RAB27B: variants seen among roughly 807,000 people sequenced by gnomAD.
RAB27B encodes the protein RAB27B, member RAS oncogene family, also known as ras-related protein Rab-27B.
In RAB27B, 15 loss-of-function variants were observed where a neutral mutation model predicts 24.6. The ratio of observed to expected loss-of-function variants is 0.61; its 90% CI spans 0.41 to 0.94. The LOEUF is 0.94. RAB27B is among the 40% of genes least tolerant of loss of function. The pLI is 0.00. For missense variants in RAB27B, 261 were observed against 266.8 expected, an observed-to-expected ratio of 0.98 and a Z score of 0.15; for synonymous variants, 105 against 92.5, an observed-to-expected ratio of 1.14 and a Z score of -0.78.
At chr18:54,871,613 T>A (rs1412143917) in intron 1 of RAB27B, among the ~76,000 whole-genome samples, 1 of 152,072 alleles carries the variant, frequency 6.6e-6, no homozygotes, top group Non-Finnish European at 1.5e-5. Flanking sequence ...AATACTAAAT[T>A]GCTGAGGCGG....
chr18:54,731,902 T>G (rs1598863995), intron 2 of RAB27B, among the ~76,000 whole-genome samples: 1 of 152,350 alleles, frequency 6.6e-6, no homozygotes, highest in Admixed American at 6.5e-5. Flanking sequence ...GTATGACCTT[T>G]AACAGACTGC....
intron 1 of RAB27B, among the ~76,000 whole-genome samples, chr18:54,846,687 C>A (rs1263576612): frequency 6.6e-6 from 1 of 152,164 alleles, no homozygotes; most frequent in Non-Finnish European, 1.5e-5. Context: ...ATAAGCTTTT[C>A]TTATAAGGCT....
At chr18:54,788,470 T>A (rs1197342108) in intron 2 of RAB27B, among the ~76,000 whole-genome samples, 1 of 152,144 alleles carries the variant, frequency 6.6e-6, no homozygotes, top group East Asian at 1.9e-4. Context: ...ACCCAGCTAA[T>A]TTTTGTGCTT....
At chr18:54,779,714 C>A (rs1332362551) in intron 2 of RAB27B, among the ~76,000 whole-genome samples, 1 of 152,150 alleles carries the variant, frequency 6.6e-6, no homozygotes, top group Non-Finnish European at 1.5e-5. Context: ...TATTGGGTCC[C>A]ACCTAAGACC....
intron 2 of RAB27B, among the ~76,000 whole-genome samples, chr18:54,766,552 C>T (rs1004696738): frequency 2.6e-5 from 4 of 151,888 alleles, no homozygotes; most frequent in East Asian, 1.9e-4. Flanking sequence ...AGATTAAATA[C>T]GTGCTAAAAT....
At chr18:54,804,936 T>C (rs35045612) in intron 2 of RAB27B, among the ~76,000 whole-genome samples, 31,769 of 103,692 alleles carry the variant, frequency 0.31, 4,086 homozygotes, top group East Asian at 0.56. Context: ...CTTTCTTTCT[T>C]TCTTTCTTTC....
chr18:54,829,710 A>G (rs1910602955), intron 1 of RAB27B, among the ~76,000 whole-genome samples: 1 of 152,200 alleles, frequency 6.6e-6, no homozygotes, highest in African/African-American at 2.4e-5. Context: ...GAAAGGATAG[A>G]CTTAAGCATT....
chr18:54,846,842 CT>C (rs912137628), intron 1 of RAB27B, among the ~76,000 whole-genome samples: 13 of 152,016 alleles, frequency 8.6e-5, no homozygotes, highest in Admixed American at 5.2e-4. Context: ...CTTCACATGA[CT>C]TTTTGTTTGT....
At chr18:54,869,940 G>C (rs956649684) in intron 1 of RAB27B, among the ~76,000 whole-genome samples, 1 of 152,014 alleles carries the variant, frequency 6.6e-6, no homozygotes, top group Non-Finnish European at 1.5e-5. Context: ...AGGATTAAAT[G>C]GACCAATTAC....
At chr18:54,887,662 G>A (rs767702791) in intron 4 of RAB27B, among the ~76,000 whole-genome samples, 67 of 151,612 alleles carry the variant, frequency 4.4e-4, no homozygotes, top group Non-Finnish European at 8.1e-4. Flanking sequence ...CAAGAACAGC[G>A]CATGGATTAA....
At chr18:54,794,680 TGAA>T (rs1275340427) in intron 2 of RAB27B, among the ~76,000 whole-genome samples, 1 of 152,328 alleles carries the variant, frequency 6.6e-6, no homozygotes, top group East Asian at 1.9e-4. Flanking sequence ...CAGCTTTTTT[TGAA>T]GAAGGAGAGA....
At chr18:54,875,896 A>G (rs1047560477) in intron 1 of RAB27B, among the ~76,000 whole-genome samples, 1 of 152,162 alleles carries the variant, frequency 6.6e-6, no homozygotes, top group African/African-American at 2.4e-5. Context: ...TTGTACATGT[A>G]CATGTACCAA....
At chr18:54,844,854 G>T (rs571033199) in intron 1 of RAB27B, among the ~76,000 whole-genome samples, 2 of 152,064 alleles carry the variant, frequency 1.3e-5, no homozygotes, top group African/African-American at 2.4e-5. Context: ...ACCAGTTTTC[G>T]CTGGTTGGGT....
At position 54,799,614 on chromosome 18, in the gene RAB27B, A is replaced by AT. The variant is rs869256244; in HGVS notation, c.-19-77919dup. Among the ~76,000 whole-genome samples, 83 of 67,578 alleles carry AT rather than the reference A, an allele frequency of 1.2e-3. 5 individuals carry two copies. The highest frequency in any genetic ancestry group is 4.9e-3 in the African/African-American group (81 of 16,614). The allele number at this position is 67,578 out of a possible 152,430, so 44.3% of individuals were successfully genotyped here. A position where few individuals can be genotyped will look rare whatever the true frequency, so the allele number is the denominator to read the frequency against. On this transcript the variant is annotated intron_variant, in intron 2 of 4. Transcript: ENST00000586570. ...AAATATCAGAATATATAATAAAATGATTTTTTTTTTTTTTTTTTTTTTTTT... is the reference window on the plus strand; with the variant it reads ...AAATATCAGAATATATAATAAAATGATTTTTTTTTTTTTTTTTTTTTTTTTT...
At chr18:54,725,404 T>A (rs1429081050) in intron 2 of RAB27B, among the ~76,000 whole-genome samples, 1 of 151,574 alleles carries the variant, frequency 6.6e-6, no homozygotes, top group East Asian at 1.9e-4. Context: ...GACTTCAATG[T>A]ACCTTACTTA....
chr18:54,834,867 A>G (rs926393497), intron 1 of RAB27B, among the ~76,000 whole-genome samples: 2 of 151,856 alleles, frequency 1.3e-5, no homozygotes, highest in Admixed American at 6.6e-5. Flanking sequence ...CTTGGGGTCA[A>G]CTTAATCTGT....
intron 3 of RAB27B, among the ~76,000 whole-genome samples, chr18:54,883,680 T>G (rs1448854485): frequency 6.6e-6 from 1 of 152,114 alleles, no homozygotes; most frequent in Non-Finnish European, 1.5e-5. Flanking sequence ...TCATTAGAAA[T>G]GAGAGTTCTT....
chr18:54,777,456 G>A (rs1464007154), intron 2 of RAB27B, among the ~76,000 whole-genome samples: 2 of 152,222 alleles, frequency 1.3e-5, no homozygotes, highest in Non-Finnish European at 2.9e-5. Context: ...CAGTGTGCAT[G>A]CAAACTCCAC....
At chr18:54,718,879 T>C (rs1909273746) in intron 2 of RAB27B, among the ~76,000 whole-genome samples, 2 of 152,190 alleles carry the variant, frequency 1.3e-5, no homozygotes, top group South Asian at 4.1e-4. Context: ...ATTTTATGCA[T>C]TCAAGGCTCT....
Sources: gnomAD v4.1 joint callset for allele counts (sites outside exome capture counted in the v4.1 genomes callset) on GRCh38, gnomAD v4.1.1 for gene constraint, MANE v1.5 for transcripts, NCBI Gene and HGNC (gene_info 2026-07-23, HGNC 2026-07-21) for gene names.